GRIN2A: variants seen among roughly 807,000 people sequenced by gnomAD.
The protein encoded by GRIN2A is glutamate ionotropic receptor NMDA type subunit 2A, also known as glutamate receptor ionotropic, NMDA 2A.
Under a neutral mutation model 113.4 loss-of-function variants are expected in GRIN2A, and 22 were observed. The ratio of observed to expected loss-of-function variants is 0.19; its 90% CI spans 0.14 to 0.28. The LOEUF (loss-of-function observed/expected upper bound fraction) is 0.28, where lower values mean the gene tolerates loss of function less well. GRIN2A is among the 10% of genes least tolerant of loss of function. The pLI is 1.00. For missense variants in GRIN2A, 1,502 were observed against 1,887.0 expected, an observed-to-expected ratio of 0.80 and a Z score of 3.78; for synonymous variants, 827 against 738.4, an observed-to-expected ratio of 1.12 and a Z score of -1.94.
At chr16:10,081,586 T>C (rs1304267899) in intron 2 of GRIN2A, among the ~76,000 whole-genome samples, 1 of 152,184 alleles carries the variant, frequency 6.6e-6, no homozygotes, top group Admixed American at 6.5e-5. Flanking sequence ...AAGCCCAACA[T>C]TTTGCCATCT....
At chr16:10,089,058 C>T (rs942196653) in intron 2 of GRIN2A, among the ~76,000 whole-genome samples, 2 of 152,076 alleles carry the variant, frequency 1.3e-5, no homozygotes, top group African/African-American at 4.8e-5. Context: ...TAAGAACAAC[C>T]CAAGAGGCCA....
chr16:9,793,938 G>A (rs899750355), intron 11 of GRIN2A, among the ~76,000 whole-genome samples: 2 of 152,186 alleles, frequency 1.3e-5, no homozygotes, highest in African/African-American at 4.8e-5. Flanking sequence ...CTACTGGACT[G>A]TAAGTTCATT....
At chr16:10,007,260 G>C (rs2046420306) in intron 2 of GRIN2A, among the ~76,000 whole-genome samples, 1 of 152,222 alleles carries the variant, frequency 6.6e-6, no homozygotes, top group South Asian at 2.1e-4. Flanking sequence ...AAAAGTACAG[G>C]GTTCCCCTTC....
chr16:10,107,315 C>T (rs867621816), intron 2 of GRIN2A, among the ~76,000 whole-genome samples: 31 of 152,184 alleles, frequency 2.0e-4, no homozygotes, highest in South Asian at 6.2e-4. Flanking sequence ...GTGGATCTGT[C>T]TCCCCCAAAG....
At chr16:10,165,435 T>C (rs143588733) in intron 2 of GRIN2A, among the ~76,000 whole-genome samples, 4 of 150,310 alleles carry the variant, frequency 2.7e-5, no homozygotes, top group African/African-American at 9.7e-5. Context: ...AAAATACATA[T>C]GTATAGATTA....
intron 9 of GRIN2A, among the ~76,000 whole-genome samples, chr16:9,822,687 C>T (rs983954808): frequency 1.3e-5 from 2 of 152,118 alleles, no homozygotes; most frequent in African/African-American, 4.8e-5. Flanking sequence ...TAGCACAGAG[C>T]CCGGCTGGGT....
At position 9,906,394 on chromosome 16, in the gene GRIN2A, G is replaced by A. The variant is rs144681765; in HGVS notation, c.1008-15294C>T. ...TTTTGTTCCTACACCTCCCTCCACTGGAAATGCAGTCATAGCTGTTGTTTC... is the reference window on the plus strand; with the variant it reads ...TTTTGTTCCTACACCTCCCTCCACTAGAAATGCAGTCATAGCTGTTGTTTC... On this transcript the variant is annotated intron_variant, in intron 3 of 12. Coordinates refer to ENST00000330684, the MANE Select transcript of GRIN2A (RefSeq NM_001134407.3). Among the ~76,000 whole-genome samples the A allele has an allele frequency of 1.2e-3, 184 of 152,252 alleles. 1 individual carries two copies. The highest frequency in any genetic ancestry group is 4.1e-3 in the African/African-American group (171 of 41,542).
In GRIN2A at chr16:10,073,846, G is replaced by A. The variant is rs2047811879; in HGVS notation, c.414+106152C>T. Among the ~76,000 whole-genome samples the A allele has an allele frequency of 2.0e-5, 3 of 151,466 alleles. No homozygotes were observed. The South Asian group carries it at 6.3e-4, about 32-fold the overall frequency. On this transcript the variant is annotated intron_variant, in intron 2 of 12. Transcript: ENST00000330684. ...CAGGAGAATCACTTGAGCCTGGGAG[G>A]CGGAGGTTGCAGTGAGTGAGCTGAG...
intron 11 of GRIN2A, among the ~76,000 whole-genome samples, chr16:9,777,610 C>T (rs900314803): frequency 1.1e-4 from 17 of 152,204 alleles, no homozygotes; most frequent in African/African-American, 3.6e-4. Flanking sequence ...AATGTTTCAC[C>T]GCCACCTTCC....
intron 2 of GRIN2A, among the ~76,000 whole-genome samples, chr16:10,031,950 C>T (rs2046937422): frequency 6.6e-6 from 1 of 152,230 alleles, no homozygotes; most frequent in South Asian, 2.1e-4. Context: ...TTTCCCTTCC[C>T]TCTGTCACCC....
intron 2 of GRIN2A, among the ~76,000 whole-genome samples, chr16:9,944,140 G>A (rs1376612390): frequency 1.3e-5 from 2 of 152,100 alleles, no homozygotes; most frequent in South Asian, 4.2e-4. Context: ...AATAATGGAG[G>A]TAACTCAGCA....
chr16:9,807,020 T>C (rs1433399278), intron 10 of GRIN2A, among the ~76,000 whole-genome samples: 1 of 151,422 alleles, frequency 6.6e-6, no homozygotes, highest in Non-Finnish European at 1.5e-5. Flanking sequence ...CTCTTTTACT[T>C]GGTTCTCATT....
intron 2 of GRIN2A, among the ~76,000 whole-genome samples, chr16:9,995,519 C>A (rs771028430): frequency 2.0e-5 from 3 of 152,128 alleles, no homozygotes; most frequent in Non-Finnish European, 4.4e-5. Context: ...TTTCAGGCTA[C>A]AGTAACACAA....
intron 2 of GRIN2A, among the ~76,000 whole-genome samples, chr16:9,978,836 C>T (rs534042875): frequency 3.9e-5 from 6 of 152,280 alleles, no homozygotes; most frequent in African/African-American, 1.2e-4. Flanking sequence ...TAACGTGGCA[C>T]GGGCTTCTCG....
chr16:10,107,155 T>C (rs971964098), intron 2 of GRIN2A, among the ~76,000 whole-genome samples: 4 of 152,224 alleles, frequency 2.6e-5, no homozygotes, highest in Non-Finnish European at 5.9e-5. Context: ...GCACATGTAC[T>C]TCAATCCTAA....
At chr16:10,081,177 CAACTGCA>C (rs2142056298) in intron 2 of GRIN2A, among the ~76,000 whole-genome samples, 1 of 152,306 alleles carries the variant, frequency 6.6e-6, no homozygotes, top group South Asian at 2.1e-4. Context: ...TAGCATGAGG[CAACTGCA>C]CTCACTGCTA....
chr16:9,828,523 C>T (rs755189617), intron 9 of GRIN2A, among the ~76,000 whole-genome samples: 17 of 152,152 alleles, frequency 1.1e-4, no homozygotes, highest in African/African-American at 2.2e-4. Flanking sequence ...GGTTTTATAA[C>T]GAGAGACAAA....
At chr16:10,026,205 T>C (rs963880132) in intron 2 of GRIN2A, among the ~76,000 whole-genome samples, 1 of 152,286 alleles carries the variant, frequency 6.6e-6, no homozygotes. Context: ...CAAATTCAAA[T>C]CCCAACTTAG....
intron 2 of GRIN2A, among the ~76,000 whole-genome samples, chr16:10,056,035 A>C (rs9925801): frequency 0.14 from 21,167 of 152,052 alleles, 2,041 homozygotes; most frequent in African/African-American, 0.27. Flanking sequence ...TCCCTCACCC[A>C]CTAGAAGTTC....
Sources: gnomAD v4.1 joint callset for allele counts (sites outside exome capture counted in the v4.1 genomes callset) on GRCh38, gnomAD v4.1.1 for gene constraint, MANE v1.5 for transcripts, NCBI Gene and HGNC (gene_info 2026-07-23, HGNC 2026-07-21) for gene names.